GSE1: variants seen among roughly 807,000 people sequenced by gnomAD.
The protein encoded by GSE1 is Gse1 coiled-coil protein, also known as genetic suppressor element 1.
GSE1 carries 32 observed loss-of-function variants against 112.6 expected under a neutral mutation model. That is an observed-to-expected ratio of 0.28 (90% CI 0.21 to 0.38). GSE1 has a LOEUF of 0.38. Ranked by LOEUF, GSE1 falls within the 10% of genes least tolerant of loss-of-function variation. GSE1 has a pLI of 1.00. For missense variants in GSE1, 2,348 were observed against 1,699.2 expected (o/e 1.38, Z -6.71); for synonymous variants, 1,115 against 735.6 (o/e 1.52, Z -8.35).
At position 85,672,692 on chromosome 16, in the gene GSE1, G is replaced by A. The variant is rs943239635; in HGVS notation, c.*153G>A. ...AAGGATTCCAGGCTCCAGAAAAAATGAATGAACTCACCTTGACGTCAATGC... is the reference window on the plus strand; with the variant it reads ...AAGGATTCCAGGCTCCAGAAAAAATAAATGAACTCACCTTGACGTCAATGC... On this transcript the variant is annotated 3_prime_UTR_variant, in exon 16 of 16. Transcript: ENST00000253458. 2 of 494,592 alleles carry A rather than the reference G, an allele frequency of 4.0e-6. No homozygotes were observed. The highest frequency in any genetic ancestry group is 5.4e-5 in the South Asian group (1 of 18,684). The allele number at this position is 494,592 out of a possible 1,614,324, so 30.6% of individuals were successfully genotyped here. A position where few individuals can be genotyped will look rare whatever the true frequency, so the allele number is the denominator to read the frequency against.
At chr16:85,213,041 T>C (rs1182510559) in intron 1 of GSE1, among the ~76,000 whole-genome samples, 2 of 151,964 alleles carry the variant, frequency 1.3e-5, no homozygotes, top group South Asian at 2.1e-4. Context: ...GAGGCCAAGG[T>C]GGGCAGATCA....
At chr16:85,175,909 A>G (rs1423082546) in intron 1 of GSE1, among the ~76,000 whole-genome samples, 1 of 152,216 alleles carries the variant, frequency 6.6e-6, no homozygotes, top group Non-Finnish European at 1.5e-5. Context: ...CTCAGCTAGT[A>G]ACCCCAGGAC....
At chr16:85,404,122 A>G (rs1201991273) in intron 2 of GSE1, among the ~76,000 whole-genome samples, 1 of 116,608 alleles carries the variant, frequency 8.6e-6, no homozygotes, top group Non-Finnish European at 1.8e-5. Flanking sequence ...TCACTGTTAC[A>G]CTCAGGGCCC....
At chr16:85,326,823 C>CTGTG (rs1165159634) in intron 1 of GSE1, among the ~76,000 whole-genome samples, 6 of 152,382 alleles carry the variant, frequency 3.9e-5, no homozygotes, top group Non-Finnish European at 7.3e-5. Flanking sequence ...GTGCTAGACG[C>CTGTG]TGTGGGGTCC....
intron 1 of GSE1, among the ~76,000 whole-genome samples, chr16:85,272,777 C>CTT (rs1204820536): frequency 1.6e-4 from 21 of 131,412 alleles, no homozygotes; most frequent in African/African-American, 3.1e-4. Flanking sequence ...CTTCTCTTTT[C>CTT]TTTTTTTTTT....
chr16:85,201,981 C>T (rs2075037251), intron 1 of GSE1, among the ~76,000 whole-genome samples: 1 of 152,222 alleles, frequency 6.6e-6, no homozygotes, highest in African/African-American at 2.4e-5. Flanking sequence ...GAGAGAGATA[C>T]ATTTTAATGT....
At chr16:85,343,319 G>A (rs879329825) in intron 1 of GSE1, among the ~76,000 whole-genome samples, 3 of 152,160 alleles carry the variant, frequency 2.0e-5, no homozygotes, top group Non-Finnish European at 2.9e-5. Context: ...AGAATGGAGA[G>A]CAGATTAGCG....
chr16:85,174,050 C>T (rs1343497033), intron 1 of GSE1, among the ~76,000 whole-genome samples: 2 of 152,148 alleles, frequency 1.3e-5, no homozygotes, highest in Non-Finnish European at 2.9e-5. Flanking sequence ...CTCCCTACGC[C>T]CTCTTCCACC....
chr16:85,351,104 G>T (rs2046842592), intron 1 of GSE1, among the ~76,000 whole-genome samples: 1 of 152,174 alleles, frequency 6.6e-6, no homozygotes, highest in Non-Finnish European at 1.5e-5. Context: ...ACTCTGCTAA[G>T]ATCTCCCAGC....
At chr16:85,304,830 A>C (rs867274327) in intron 1 of GSE1, among the ~76,000 whole-genome samples, 20 of 152,176 alleles carry the variant, frequency 1.3e-4, no homozygotes, top group African/African-American at 4.1e-4. Flanking sequence ...CCCTCTTTCA[A>C]CCAGCGTTGT....
intron 1 of GSE1, among the ~76,000 whole-genome samples, chr16:85,279,689 G>T (rs1052490343): frequency 6.6e-6 from 1 of 152,140 alleles, no homozygotes; most frequent in Admixed American, 6.5e-5. Context: ...AAATGGTGCT[G>T]CCCGGCCTGC....
upstream of GSE1, among the ~76,000 whole-genome samples, chr16:85,610,494 C>T (rs1250169871): frequency 6.6e-6 from 1 of 152,266 alleles, no homozygotes; most frequent in Non-Finnish European, 1.5e-5. Context: ...CGACAAACCT[C>T]GTTAGCGAGG....
rs1028300878 is a variant in GSE1, at chr16:85,171,246, C to G, written c.1722C>G (p.Ser574=). The G allele has an allele frequency of 3.3e-5, 33 of 985,594 alleles. No individual in the cohort carries two copies. The African/African-American group carries it at 5.4e-4, about 16-fold the overall frequency. 61.1% of individuals were successfully genotyped at this position (985,594 alleles called of 1,614,324 possible). A position where few individuals can be genotyped will look rare whatever the true frequency, so the allele number is the denominator to read the frequency against. The stretch of plus-strand genomic sequence containing the variant: ...GGTACCACCAGGCCTTCTCCGCCTC[C>G]GACCCTGCCCTCTCCGAGCTGCCGG... Residue 574 remains serine, a synonymous_variant, in exon 1 of 3, where the codon TCC becomes TCG. Transcript: ENST00000637419.
chr16:85,644,014 C>T (rs1283323948), intron 2 of GSE1, among the ~76,000 whole-genome samples: 4 of 152,110 alleles, frequency 2.6e-5, no homozygotes, highest in Admixed American at 6.5e-5. Flanking sequence ...GGGCCGGGTG[C>T]ACAGGAGGGC....
chr16:85,301,171 TGCCAA>T (rs2045513395), intron 1 of GSE1, among the ~76,000 whole-genome samples: 1 of 152,172 alleles, frequency 6.6e-6, no homozygotes, highest in Non-Finnish European at 1.5e-5. Context: ...TCAGGGCGGT[TGCCAA>T]GCCCACTGCA....
At chr16:85,474,984 GT>G (rs2050408257) in intron 2 of GSE1, among the ~76,000 whole-genome samples, 1 of 152,094 alleles carries the variant, frequency 6.6e-6, no homozygotes, top group Non-Finnish European at 1.5e-5. Flanking sequence ...TTCTCCAGAC[GT>G]CTCCAGTTTA....
intron 2 of GSE1, among the ~76,000 whole-genome samples, chr16:85,423,107 TC>T (rs1171230535): frequency 6.6e-6 from 1 of 152,090 alleles, no homozygotes; most frequent in Non-Finnish European, 1.5e-5. Flanking sequence ...CAGAGTCAGC[TC>T]CCCAGGAACC....
chr16:85,480,384 C>T (rs769780209), intron 2 of GSE1, among the ~76,000 whole-genome samples: 2 of 152,198 alleles, frequency 1.3e-5, no homozygotes, highest in Non-Finnish European at 2.9e-5. Flanking sequence ...GCAGGGGGCG[C>T]GCGTGGCACC....
intron 2 of GSE1, among the ~76,000 whole-genome samples, chr16:85,404,587 A>T (rs371341676): frequency 4.2e-3 from 175 of 42,070 alleles, no homozygotes; most frequent in East Asian, 0.021. Flanking sequence ...TCACTGTTAC[A>T]CTCAGGCCCC....
Sources: gnomAD v4.1 joint callset for allele counts (sites outside exome capture counted in the v4.1 genomes callset) on GRCh38, gnomAD v4.1.1 for gene constraint, MANE v1.5 for transcripts, NCBI Gene and HGNC (gene_info 2026-07-23, HGNC 2026-07-21) for gene names.